GGA2: variants seen among roughly 807,000 people sequenced by gnomAD.
The protein encoded by GGA2 is golgi associated, gamma adaptin ear containing, ARF binding protein 2, also known as ADP-ribosylation factor-binding protein GGA2.
A neutral mutation model predicts 79.5 loss-of-function variants in GGA2; 48 were observed. The observed-to-expected ratio is 0.60, with a 90% CI of 0.48 to 0.77. GGA2 has a LOEUF of 0.77. Ranked by LOEUF, GGA2 falls within the 30% of genes least tolerant of loss-of-function variation. The probability of loss-of-function intolerance (pLI) is 0.00; values close to 1 mark genes in which losing one functional copy is unlikely to be tolerated. For missense variants in GGA2, 770 were observed against 774.0 expected, an observed-to-expected ratio of 0.99 and a Z score of 0.06; for synonymous variants, 317 against 302.0, an observed-to-expected ratio of 1.05 and a Z score of -0.51.
Position 23,465,514 on chromosome 16 carries a change from T to A in GGA2, c.*2076A>T. ...GGTACACATGTGTGAGTTCACCTCC[T>A]AACTATAGGGGAGAAAGCCTGTCTT... On this transcript the variant is annotated 3_prime_UTR_variant, in exon 17 of 17. Transcript: ENST00000309859. 1.5e-6 allele frequency: 1 copy of A among 677,662 alleles called. No individual in the cohort carries two copies. The highest frequency in any genetic ancestry group is 1.8e-5 in the African/African-American group (1 of 56,758). The allele number at this position is 677,662 out of a possible 1,614,324, so 42.0% of individuals were successfully genotyped here.
chr16:23,468,855 T>A (rs746299571), intron 16 of GGA2, 31 bp downstream of exon 16: 1 of 1,386,714 alleles, frequency 7.2e-7, no homozygotes, highest in East Asian at 2.3e-5. Flanking sequence ...GGGGCCCCCA[T>A]CTCCCTGCTA....
At chr16:23,473,242 T>C (rs760229263) in intron 14 of GGA2, among the ~76,000 whole-genome samples, 1 of 151,294 alleles carries the variant, frequency 6.6e-6, no homozygotes, top group Non-Finnish European at 1.5e-5. Context: ...CATATATATG[T>C]ATATGATAAG....
At chr16:23,486,958 A>G (rs1178048938) in intron 6 of GGA2, among the ~76,000 whole-genome samples, 168 bp from the exon 7 acceptor site, 4 of 150,488 alleles carry the variant, frequency 2.7e-5, no homozygotes, top group South Asian at 2.1e-4. Context: ...GACTATCCCA[A>G]TACACCACTG....
At chr16:23,494,256 T>G (rs770752427) in intron 3 of GGA2, 47 bp downstream of exon 3, 2 of 1,250,638 alleles carry the variant, frequency 1.6e-6, no homozygotes, top group Non-Finnish European at 2.4e-6. Context: ...CGGCTCTCTA[T>G]AGCACAAGGA....
At position 23,475,036 on chromosome 16, in the gene GGA2, G is replaced by T. The variant is rs1181263824; in HGVS notation, c.1318C>A (p.Pro440Thr). The T allele has an allele frequency of 6.3e-7, 1 of 1,586,478 alleles. No homozygotes were observed. Among genetic ancestry groups the T allele is most frequent in the Non-Finnish European group, 8.5e-7 (1 of 1,171,230 alleles). The change falls in exon 14 of 17, where the codon CCC (proline) becomes ACC (threonine). Residue 440 changes from proline to threonine, a missense_variant. Transcript: ENST00000309859. ...TTAGTACCTGGTGGCACTTCCTTGG[G>T]GACACTTTTCTGCGAAACATAATTC... ...PLNYVSQKSV[P>T]KEVPPGTKSS... is the part of the protein sequence containing the mutation.
At position 23,491,722 on chromosome 16, in the gene GGA2, C is replaced by G. The variant is rs201313210; in HGVS notation, c.430G>C (p.Glu144Gln). ...TAAGCGTCTCGAATCTTGATGTCTT[C>G]CGGAAACCAGACTGTCCAACTGAAG... ...ILFSWTVWFP[E>Q]DIKIRDAYQM... is the part of the protein sequence containing the mutation. The change falls in exon 5 of 17, where the codon GAA becomes CAA. Residue 144 changes from glutamate (E) to glutamine (Q), a missense_variant. Glu to Gln is a conservative substitution (Grantham distance 29, BLOSUM62 2). Transcript: ENST00000309859. 42 of 1,612,754 alleles carry G rather than the reference C, an allele frequency of 2.6e-5. No homozygotes were observed. Among genetic ancestry groups the G allele is most frequent in the Non-Finnish European group, 3.5e-5 (41 of 1,178,896 alleles).
In GGA2 at chr16:23,464,565, A is replaced by G. The variant is rs1038589471; in HGVS notation, c.*3025T>C. 3.3e-5 allele frequency: 5 copies of G among 152,120 alleles called. No homozygotes were observed. The highest frequency in any genetic ancestry group is 9.7e-5 in the African/African-American group (4 of 41,418). 9.4% of individuals were successfully genotyped at this position (152,120 alleles called of 1,614,324 possible). ...CAGAGGCATTGTCCCAAAAAAAAAAAAGCCCAAATCAGAGCAGTGGCAATG... is the reference window on the plus strand; with the variant it reads ...CAGAGGCATTGTCCCAAAAAAAAAAGAGCCCAAATCAGAGCAGTGGCAATG... On this transcript the variant is annotated 3_prime_UTR_variant, in exon 17 of 17. Coordinates refer to ENST00000309859, the MANE Select transcript of GGA2 (RefSeq NM_015044.4).
In GGA2 at chr16:23,464,434, G is replaced by C. The variant is rs1964408999; in HGVS notation, c.*3156C>G. ...TGCAACTTGAATTTGATCCCATAAA[G>C]TCAGGCATCAGGAAGCCATTCAGAA... On this transcript the variant is annotated 3_prime_UTR_variant, in exon 17 of 17. Coordinates refer to ENST00000309859, the MANE Select transcript of GGA2 (RefSeq NM_015044.4). 6.6e-6 allele frequency: 1 copy of C among 152,084 alleles called. No homozygotes were observed. The highest frequency in any genetic ancestry group is 2.1e-4 in the South Asian group (1 of 4,820). 9.4% of individuals were successfully genotyped at this position (152,084 alleles called of 1,614,324 possible). A position where few individuals can be genotyped will look rare whatever the true frequency, so the allele number is the denominator to read the frequency against.
In GGA2 at chr16:23,473,031, C is replaced by CAAAA. The variant is rs71379682; in HGVS notation, c.1450+1869_1450+1872dup. On this transcript the variant is annotated intron_variant, in intron 14 of 16. Transcript: ENST00000309859. ...CTGGGTGACAGCGAGACTCTGTCTC[C>CAAAA]AAAAAAAAAAAAAAAAAGACTGAAT... Among the ~76,000 whole-genome samples the CAAAA allele has an allele frequency of 2.0e-3, 232 of 114,446 alleles. 2 individuals carry two copies. Among genetic ancestry groups the CAAAA allele is most frequent in the South Asian group, 5.5e-3 (19 of 3,460 alleles). The allele number at this position is 114,446 out of a possible 152,430, so 75.1% of individuals were successfully genotyped here.
At chr16:23,495,901 A>G in intron 1 of GGA2, 123 bp from the exon 2 acceptor site, 1 of 577,558 alleles carries the variant, frequency 1.7e-6, no homozygotes, top group Non-Finnish European at 3.1e-6. Context: ...GTGGGCAGAC[A>G]GCTGGAAGGA....
chr16:23,524,016 C>A, upstream of GGA2: 1 of 213,438 alleles, frequency 4.7e-6, no homozygotes, highest in African/African-American at 2.3e-5. Context: ...GGTTCTGTGG[C>A]ATTTTGTTAT....
intron 1 of GGA2, among the ~76,000 whole-genome samples, chr16:23,502,235 G>A (rs1357138190): frequency 6.6e-6 from 1 of 152,192 alleles, no homozygotes; most frequent in Non-Finnish European, 1.5e-5. Context: ...GCCCAGGCCT[G>A]CTCATCTACT....
At chr16:23,512,788 T>A (rs1965080987), upstream of GGA2, among the ~76,000 whole-genome samples, 1 of 131,728 alleles carries the variant, frequency 7.6e-6, no homozygotes, top group Non-Finnish European at 1.6e-5. Context: ...CACTGCAACC[T>A]CTGCCTCCTG....
intron 5 of GGA2, 92 bp from the exon 6 acceptor site, chr16:23,488,801 T>G: frequency 1.4e-6 from 1 of 722,302 alleles, no homozygotes; most frequent in Non-Finnish European, 2.4e-6. Flanking sequence ...CCCTGGTTCC[T>G]AATACCATGC....
chr16:23,486,165 AGAG>A lies in GGA2; in HGVS notation c.661-16_661-14del, dbSNP rs559845995. On this transcript the variant is annotated splice_polypyrimidine_tract_variant and intron_variant, in intron 7 of 16. Coordinates refer to ENST00000309859, the MANE Select transcript of GGA2 (RefSeq NM_015044.4). ...ATTTTTCTTGTTCCTTTTGGGAAAA[AGAG>A]GAGGATGGGAGTGAGGGAGCAGAAA... The A allele has an allele frequency of 9.9e-6, 16 of 1,613,318 alleles. No homozygotes were observed. Among genetic ancestry groups the A allele is most frequent in the Non-Finnish European group, 1.4e-5 (16 of 1,179,352 alleles).
intron 1 of GGA2, among the ~76,000 whole-genome samples, chr16:23,508,108 G>A (rs1964993959): frequency 6.6e-6 from 1 of 151,028 alleles, no homozygotes. Context: ...TGTCACCTAG[G>A]CTGGAGTGCA....
At chr16:23,485,968 C>A (rs1377097193) in intron 8 of GGA2, 47 bp downstream of exon 8, 1 of 1,580,288 alleles carries the variant, frequency 6.3e-7, no homozygotes, top group Non-Finnish European at 8.6e-7. Flanking sequence ...GCATTTCAAA[C>A]CCACTTTAGT....
chr16:23,495,857 A>G (rs1359283366), intron 1 of GGA2, 79 bp from the exon 2 acceptor site: 2 of 852,950 alleles, frequency 2.3e-6, no homozygotes, highest in East Asian at 5.1e-5. Context: ...GGTGGCCAAG[A>G]GCTGTCTTAT....
At chr16:23,478,267 C>T (rs530247137) in intron 13 of GGA2, 101 bp downstream of exon 13, 6 of 756,190 alleles carry the variant, frequency 7.9e-6, no homozygotes, top group Non-Finnish European at 1.0e-5. Context: ...TTCTCCAGGG[C>T]GAGAGGCTGT....
Sources: gnomAD v4.1 joint callset for allele counts (sites outside exome capture counted in the v4.1 genomes callset) on GRCh38, gnomAD v4.1.1 for gene constraint, MANE v1.5 for transcripts, NCBI Gene and HGNC (gene_info 2026-07-23, HGNC 2026-07-21) for gene names.